The following MECOM variants were observed in gnomAD, a reference collection of about 807,000 sequenced individuals.
The protein encoded by MECOM is histone-lysine N-methyltransferase MECOM.
In MECOM, 13 loss-of-function variants were observed where a neutral mutation model predicts 116.3. The observed-to-expected ratio is 0.11, with a 90% CI of 0.07 to 0.18. The LOEUF (loss-of-function observed/expected upper bound fraction) is 0.18. Among genes scored for constraint, MECOM ranks in the 10% least tolerant of loss-of-function variants. The pLI is 1.00. For missense variants in MECOM, 1,299 were observed against 1,509.0 expected (o/e 0.86, Z 2.31); for synonymous variants, 528 against 535.2 (o/e 0.99, Z 0.19).
chr3:169,234,155 A>G (rs1325790008), intron 2 of MECOM, among the ~76,000 whole-genome samples: 1 of 152,042 alleles, frequency 6.6e-6, no homozygotes, highest in Non-Finnish European at 1.5e-5. Context: ...TGGACACACA[A>G]TTCCTACCAT....
intron 2 of MECOM, among the ~76,000 whole-genome samples, chr3:169,273,084 T>C (rs1373959470): frequency 6.6e-6 from 1 of 152,088 alleles, no homozygotes; most frequent in Non-Finnish European, 1.5e-5. Context: ...TTGAGATACT[T>C]TCCAAGGATT....
intron 1 of MECOM, among the ~76,000 whole-genome samples, chr3:169,483,291 A>C (rs1165803498): frequency 7.1e-6 from 1 of 140,046 alleles, no homozygotes; most frequent in African/African-American, 2.6e-5. Flanking sequence ...ATTTTCTTTT[A>C]ATGAATGAGA....
chr3:169,135,509 T>C (rs1010718642), intron 3 of MECOM, among the ~76,000 whole-genome samples: 1 of 151,926 alleles, frequency 6.6e-6, no homozygotes, highest in Non-Finnish European at 1.5e-5. Context: ...AGAAAATAGA[T>C]TATATGGAAA....
At chr3:169,460,941 G>A (rs1212871714) in intron 1 of MECOM, among the ~76,000 whole-genome samples, 2 of 152,160 alleles carry the variant, frequency 1.3e-5, no homozygotes, top group Admixed American at 1.3e-4. Context: ...GTATCAGTTG[G>A]CCAGGGCCTT....
intron 1 of MECOM, among the ~76,000 whole-genome samples, chr3:169,435,467 C>A (rs936462087): frequency 1.3e-5 from 2 of 152,094 alleles, no homozygotes; most frequent in African/African-American, 4.8e-5. Flanking sequence ...GTTTCTGTGA[C>A]CCTAGTGGAG....
At chr3:169,215,643 C>T (rs2149485017) in intron 2 of MECOM, among the ~76,000 whole-genome samples, 1 of 152,278 alleles carries the variant, frequency 6.6e-6, no homozygotes, top group South Asian at 2.1e-4. Flanking sequence ...ATTCCTTTTA[C>T]CTGATGTGGC....
At chr3:169,659,072 C>CAAA (rs199570807) in intron 1 of MECOM, among the ~76,000 whole-genome samples, 20 of 83,546 alleles carry the variant, frequency 2.4e-4, no homozygotes, top group African/African-American at 8.8e-4. Context: ...CCTTCAACTC[C>CAAA]AAAAAAAAAA....
chr3:169,540,918 A>C (rs899968342), intron 1 of MECOM, among the ~76,000 whole-genome samples: 1 of 152,134 alleles, frequency 6.6e-6, no homozygotes, highest in African/African-American at 2.4e-5. Context: ...GGCACATCAA[A>C]CCACTTTGAA....
intron 1 of MECOM, among the ~76,000 whole-genome samples, chr3:169,483,205 T>TTTA (rs1553866586): frequency 3.9e-5 from 5 of 128,642 alleles, no homozygotes; most frequent in African/African-American, 1.7e-4. Flanking sequence ...TATTTTTATT[T>TTTA]TTTTTTTTTT....
intron 1 of MECOM, among the ~76,000 whole-genome samples, chr3:169,405,386 T>C (rs1736535581): frequency 6.6e-6 from 1 of 152,202 alleles, no homozygotes; most frequent in African/African-American, 2.4e-5. Context: ...ATATGCATAA[T>C]GGAATTTTAT....
chr3:169,303,923 G>C lies in MECOM; in HGVS notation c.375+77264C>G, dbSNP rs1008069483. Among the ~76,000 whole-genome samples the C allele has an allele frequency of 6.6e-5, 10 of 152,348 alleles. No homozygotes were observed. In the East Asian group the frequency reaches 1.7e-3, roughly 26 times the overall value. ...TAAACAATGAGATCAGACACTGCTG[G>C]TTATCAGAGAGGGTCATGAGAACTC... On this transcript the variant is annotated intron_variant, in intron 2 of 16. Transcript: ENST00000651503.
chr3:169,332,296 C>T (rs887587440), intron 2 of MECOM, among the ~76,000 whole-genome samples: 9 of 151,978 alleles, frequency 5.9e-5, no homozygotes, highest in African/African-American at 1.9e-4. Context: ...CCTTGCCCTT[C>T]GAAGGCTTAT....
At chr3:169,429,396 T>C (rs532720098) in intron 1 of MECOM, among the ~76,000 whole-genome samples, 15 of 152,286 alleles carry the variant, frequency 9.8e-5, no homozygotes, top group Non-Finnish European at 1.6e-4. Flanking sequence ...TCAGATTCAG[T>C]CTAAGCAGTG....
At chr3:169,138,215 C>A (rs886463510) in intron 3 of MECOM, among the ~76,000 whole-genome samples, 1 of 152,012 alleles carries the variant, frequency 6.6e-6, no homozygotes, top group South Asian at 2.1e-4. Flanking sequence ...TTGTGATCTT[C>A]CTGAATGAAA....
rs539873617 is a variant in MECOM, at chr3:169,097,817, T to TAAAAAAAAAAAAAAAAAAAAAAAAA, written c.2850-2573_2850-2572insTTTTTTTTTTTTTTTTTTTTTTTTT. ...AACAGAGTGAGACCTACTGTCTATA[T>TAAAAAAAAAAAAAAAAAAAAAAAAA]AAAAAAAAAAAAAAAAAAAAAAAGG... On this transcript the variant is annotated intron_variant, in intron 12 of 16. Coordinates refer to ENST00000651503, the MANE Select transcript of MECOM (RefSeq NM_004991.4). Among the ~76,000 whole-genome samples, 9 of 87,214 alleles carry TAAAAAAAAAAAAAAAAAAAAAAAAA rather than the reference T, an allele frequency of 1.0e-4. 1 individual carries two copies. Among genetic ancestry groups the TAAAAAAAAAAAAAAAAAAAAAAAAA allele is most frequent in the South Asian group, 4.6e-4 (1 of 2,196 alleles). 57.2% of individuals were successfully genotyped at this position (87,214 alleles called of 152,430 possible).
intron 1 of MECOM, among the ~76,000 whole-genome samples, chr3:169,557,896 C>G (rs578051076): frequency 1.3e-4 from 20 of 152,252 alleles, no homozygotes; most frequent in Non-Finnish European, 2.6e-4. Flanking sequence ...ACTAGAAAGG[C>G]TTTCAATTAG....
intron 2 of MECOM, among the ~76,000 whole-genome samples, chr3:169,167,506 A>T (rs926805781): frequency 1.3e-5 from 2 of 152,244 alleles, no homozygotes; most frequent in African/African-American, 4.8e-5. Flanking sequence ...ATTATCTACC[A>T]TGCGGTTCTA....
chr3:169,638,765 C>T (rs1299470017), intron 1 of MECOM, among the ~76,000 whole-genome samples: 1 of 152,170 alleles, frequency 6.6e-6, no homozygotes, highest in South Asian at 2.1e-4. Context: ...GATTAACATC[C>T]GTGGCAGAGT....
At chr3:169,619,608 T>C (rs527253112) in intron 1 of MECOM, among the ~76,000 whole-genome samples, 4 of 152,088 alleles carry the variant, frequency 2.6e-5, no homozygotes, top group African/African-American at 9.6e-5. Flanking sequence ...TCTCACTTGC[T>C]AGTTAACCAC....
Sources: gnomAD v4.1 joint callset for allele counts (sites outside exome capture counted in the v4.1 genomes callset) on GRCh38, gnomAD v4.1.1 for gene constraint, MANE v1.5 for transcripts, NCBI Gene and HGNC (gene_info 2026-07-23, HGNC 2026-07-21) for gene names.